The following MCM3 variants were observed in gnomAD, a reference collection of about 807,000 sequenced individuals.
MCM3 encodes the protein DNA replication licensing factor MCM3.
A neutral mutation model predicts 91.3 loss-of-function variants in MCM3; 59 were observed. The ratio of observed to expected loss-of-function variants is 0.65; its 90% confidence interval spans 0.52 to 0.80. MCM3 has a LOEUF of 0.80. Ranked by LOEUF, MCM3 falls within the 30% of genes least tolerant of loss-of-function variation. The pLI is 0.00. For synonymous variants in MCM3, 383 were observed against 379.6 expected (o/e 1.01, Z -0.10); for missense variants, 919 against 1,035.4 (o/e 0.89, Z 1.54).
At chr6:52,277,319 TCCTTCGCTTTTC>T in intron 7 of MCM3, 121 bp from the exon 8 acceptor site, 3 of 1,156,890 alleles carry the variant, frequency 2.6e-6, no homozygotes, top group Non-Finnish European at 3.6e-6. Context: ...TTAATATTTT[TCCTTCGCTTTTC>T]CCTTCACCAC....
chr6:52,282,397 G>A (rs1369229770), intron 3 of MCM3, among the ~76,000 whole-genome samples: 1 of 152,090 alleles, frequency 6.6e-6, no homozygotes, highest in Non-Finnish European at 1.5e-5. Context: ...TAAATAGGTG[G>A]AGTTAGAGGT....
chr6:52,272,495 C>CT (rs1581720722), intron 11 of MCM3, 44 bp from the exon 12 acceptor site: 1 of 1,609,790 alleles, frequency 6.2e-7, no homozygotes, highest in East Asian at 2.2e-5. Flanking sequence ...CCACACCTTA[C>CT]CACCTGCCTG....
intron 4 of MCM3, among the ~76,000 whole-genome samples, 172 bp from the exon 5 acceptor site, chr6:52,279,771 C>A (rs976031451): frequency 2.0e-5 from 3 of 152,168 alleles, no homozygotes; most frequent in African/African-American, 7.2e-5. Context: ...TAACAACCAT[C>A]GAATGGAAGG....
At chr6:52,269,062 A>G (rs1327224194) in intron 13 of MCM3, 24 bp downstream of exon 13, 3 of 1,603,206 alleles carry the variant, frequency 1.9e-6, no homozygotes, top group Admixed American at 1.7e-5. Flanking sequence ...AGATCCTCTC[A>G]TGCCCAGGCA....
rs1764473210 is a variant in MCM3 at position 52,264,399 on chromosome 6, T to C, written c.*189A>G. ...CACTGTCTCCTCTTTCCTCACCCCA[T>C]GGCAGCTTTCATGACCCATTCCCAA... On this transcript the variant is annotated 3_prime_UTR_variant, in exon 17 of 17. Coordinates refer to ENST00000596288, the MANE Select transcript of MCM3 (RefSeq NM_002388.6). 3 of 595,106 alleles carry C rather than the reference T, an allele frequency of 5.0e-6. No homozygotes were observed. Among genetic ancestry groups the C allele is most frequent in the Non-Finnish European group, 8.9e-6 (3 of 336,496 alleles). 36.9% of individuals were successfully genotyped at this position (595,106 alleles called of 1,614,324 possible).
rs554411349 is a variant in MCM3, at chr6:52,278,829, A to G, written c.792T>C (p.Asn264=). Reference sequence around the variant, plus strand: ...GAGCATCCTTGCTCATCTGCTTAACATTACAGGCAATCAGGACAGTCCTGG... The same window carrying G: ...GAGCATCCTTGCTCATCTGCTTAACGTTACAGGCAATCAGGACAGTCCTGG... ...GTFRTVLIAC[N]VKQMSKDAQP... The change falls in exon 6 of 17, where the codon AAT becomes AAC. Residue 264 remains asparagine (N), a synonymous_variant. Transcript: ENST00000596288. 9 of 1,613,354 alleles carry G rather than the reference A, an allele frequency of 5.6e-6. No homozygotes were observed. The East Asian group carries it at 1.8e-4, about 32-fold the overall frequency.
At chr6:52,268,315 AG>A (rs1313951654) in intron 13 of MCM3, among the ~76,000 whole-genome samples, 1 of 152,240 alleles carries the variant, frequency 6.6e-6, no homozygotes, top group East Asian at 1.9e-4. Flanking sequence ...CCCTTAACCT[AG>A]CAAAAAGCGA....
In MCM3 at chr6:52,273,409, G is replaced by A. The variant is rs886252098; in HGVS notation, c.1550-53C>T. ...GAGTAATAAAGAGTTTAACCCAGGG[G>A]AAATTGCTTCTTCTATAGCACAAGA... On this transcript the variant is annotated intron_variant, in intron 10 of 16. Transcript: ENST00000596288. 35 of 1,591,200 alleles carry A rather than the reference G, an allele frequency of 2.2e-5. No individual in the cohort carries two copies. The African/African-American group carries it at 2.7e-4, about 12-fold the overall frequency.
intron 1 of MCM3, among the ~76,000 whole-genome samples, chr6:52,284,206 A>C (rs531915289): frequency 1.3e-5 from 2 of 152,312 alleles, no homozygotes; most frequent in African/African-American, 4.8e-5. Context: ...GTCAGTCCCT[A>C]AAATCTGAGC....
Position 52,276,972 on chromosome 6 carries a change from T to G in MCM3, c.1165+95A>C, listed in dbSNP as rs1396205690. Reference sequence around the variant, plus strand: ...CTCTATAATCTGGACCCAACTAACCTATCAGCTGTATCTTCAGAACACAAG... The same window carrying G: ...CTCTATAATCTGGACCCAACTAACCGATCAGCTGTATCTTCAGAACACAAG... On this transcript the variant is annotated intron_variant, in intron 8 of 16. Coordinates refer to ENST00000596288, the MANE Select transcript of MCM3 (RefSeq NM_002388.6). 18 of 1,457,636 alleles carry G rather than the reference T, an allele frequency of 1.2e-5. No homozygotes were observed. In the East Asian group the frequency reaches 3.9e-4, roughly 32 times the overall value. The allele number at this position is 1,457,636 out of a possible 1,614,324, so 90.3% of individuals were successfully genotyped here.
rs781275127 is a variant in MCM3 at position 52,278,725 on chromosome 6, C to T, written c.879+17G>A. ...GAAATCCATTCCCACCCTCAAATTT[C>T]TAAAGGATGCCCAGACCTTGGATCG... On this transcript the variant is annotated intron_variant, in intron 6 of 16. Coordinates refer to ENST00000596288, the MANE Select transcript of MCM3 (RefSeq NM_002388.6). 5 of 1,579,858 alleles carry T rather than the reference C, an allele frequency of 3.2e-6. No homozygotes were observed. Among genetic ancestry groups the T allele is most frequent in the Non-Finnish European group, 3.5e-6 (4 of 1,152,042 alleles).
chr6:52,273,492 C>T (rs1765303899), intron 10 of MCM3, 136 bp from the exon 11 acceptor site: 12 of 911,912 alleles, frequency 1.3e-5, no homozygotes, highest in South Asian at 3.4e-5. Flanking sequence ...CACATGGAAC[C>T]CACAAATAAA....
At chr6:52,281,263 TCTA>T (rs748288254) in intron 4 of MCM3, among the ~76,000 whole-genome samples, 1 of 152,390 alleles carries the variant, frequency 6.6e-6, no homozygotes, top group Non-Finnish European at 1.5e-5. Flanking sequence ...GCATTATTTT[TCTA>T]CTTTTTAAAA....
rs1334383286 is a variant in MCM3 at position 52,279,252 on chromosome 6, C to T, written c.770+109G>A. ...TCCTGTCTCCCAGGCAGGTAGAGTG[C>T]TCCACCTATCAGATATAACTCTCTG... On this transcript the variant is annotated intron_variant, in intron 5 of 16. Coordinates refer to ENST00000596288, the MANE Select transcript of MCM3 (RefSeq NM_002388.6). 4 of 899,242 alleles carry T rather than the reference C, an allele frequency of 4.4e-6. No individual in the cohort carries two copies. In the Admixed American group the frequency reaches 6.4e-5, roughly 14 times the overall value. The allele number at this position is 899,242 out of a possible 1,614,324, so 55.7% of individuals were successfully genotyped here.
intron 16 of MCM3, among the ~76,000 whole-genome samples, 185 bp from the exon 17 acceptor site, chr6:52,264,971 T>C (rs369698364): frequency 2.6e-5 from 4 of 152,190 alleles, no homozygotes; most frequent in African/African-American, 9.7e-5. Context: ...AGCTAAACTA[T>C]TGTACTAGCG....
intron 6 of MCM3, among the ~76,000 whole-genome samples, 170 bp downstream of exon 6, chr6:52,278,572 T>A (rs542678704): frequency 6.6e-6 from 1 of 152,148 alleles, no homozygotes; most frequent in Non-Finnish European, 1.5e-5. Context: ...ACAGAATTAC[T>A]AAAGAACAAA....
chr6:52,269,019 C>A (rs1333868014), intron 13 of MCM3, 67 bp downstream of exon 13: 3 of 1,516,192 alleles, frequency 2.0e-6, no homozygotes, highest in Admixed American at 1.9e-5. Flanking sequence ...CCACGGAAGG[C>A]TGGGAAGCCC....
At chr6:52,283,524 AG>A (rs1766346175) in intron 1 of MCM3, 118 bp from the exon 2 acceptor site, 8 of 731,572 alleles carry the variant, frequency 1.1e-5, no homozygotes, top group South Asian at 4.6e-5. Flanking sequence ...CTGAATCCCC[AG>A]TAAGTATGTG....
At chr6:52,268,761 C>T (rs1764847647) in intron 13 of MCM3, among the ~76,000 whole-genome samples, 1 of 151,822 alleles carries the variant, frequency 6.6e-6, no homozygotes, top group African/African-American at 2.4e-5. Flanking sequence ...CTTTTGAAAA[C>T]ACCTACTTTT....
Sources: allele counts gnomAD v4.1 joint callset (sites outside exome capture counted in the v4.1 genomes callset), GRCh38; gene constraint gnomAD v4.1.1; transcripts MANE v1.5; gene names NCBI Gene and HGNC (gene_info 2026-07-23, HGNC 2026-07-21).